PZP: variants seen among roughly 807,000 people sequenced by gnomAD.
PZP encodes the protein PZP alpha-2-macroglobulin like, also known as pregnancy zone protein.
PZP carries 150 observed loss-of-function variants against 179.8 expected under a neutral mutation model. The observed-to-expected ratio is 0.83, with a 90% CI of 0.73 to 0.96. The LOEUF (loss-of-function observed/expected upper bound fraction) is 0.96, where lower values mean the gene tolerates loss of function less well. Among genes scored for constraint, PZP ranks in the 40% least tolerant of loss-of-function variants. The probability of loss-of-function intolerance (pLI) is 0.00; values close to 1 mark genes in which losing one functional copy is unlikely to be tolerated. For missense variants in PZP, 1,689 were observed against 1,764.0 expected (o/e 0.96, Z 0.76); for synonymous variants, 624 against 652.3 (o/e 0.96, Z 0.66).
At chr12:9,153,996 G>A (rs1449575869) in intron 29 of PZP, among the ~76,000 whole-genome samples, 7 of 152,176 alleles carry the variant, frequency 4.6e-5, no homozygotes, top group African/African-American at 1.7e-4. Context: ...GCACTCTCAG[G>A]GAAAGTAGAA....
At position 9,203,802 on chromosome 12, in the gene PZP, G is replaced by T; in HGVS notation, c.233C>A (p.Ala78Glu). 2 of 1,614,050 alleles carry T rather than the reference G, an allele frequency of 1.2e-6. No individual in the cohort carries two copies. The highest frequency in any genetic ancestry group is 2.2e-5 in the East Asian group (1 of 44,848). Residue 78 changes from alanine (A) to glutamate (E), a missense_variant, in exon 2 of 36, where the codon GCG (alanine) becomes GAG (glutamate). Physicochemically the swap from Ala to Glu is moderately radical, Grantham distance 107. Coordinates refer to ENST00000261336, the MANE Select transcript of PZP (RefSeq NM_002864.3). Reference sequence around the variant, plus strand: ...GACACAGTGGAATAAGTCCTTCTCCGCCACCAGGTCAGTGAAGAGGCTCCT... The same window carrying T: ...GACACAGTGGAATAAGTCCTTCTCCTCCACCAGGTCAGTGAAGAGGCTCCT... ...ENRSLFTDLVAEKDLFHCVSF... is the reference protein window; with the variant it reads ...ENRSLFTDLVEEKDLFHCVSF...
chr12:9,200,416 G>T lies in PZP; in HGVS notation c.703C>A (p.Pro235Thr). ...LPKFEVKVQVPKIISIMDEKV... is the reference protein window; with the variant it reads ...LPKFEVKVQVTKIISIMDEKV... ...TCATCCATGATACTGATTATCTTTGGCACCTGAACTTTGACCTCAAACTTG... is the reference window on the plus strand; with the variant it reads ...TCATCCATGATACTGATTATCTTTGTCACCTGAACTTTGACCTCAAACTTG... The change falls in exon 7 of 36, where the codon CCA becomes ACA. Residue 235 changes from proline to threonine, a missense_variant. Coordinates refer to ENST00000261336, the MANE Select transcript of PZP (RefSeq NM_002864.3). 6.2e-7 allele frequency: 1 copy of T among 1,611,420 alleles called. No individual in the cohort carries two copies. The highest frequency in any genetic ancestry group is 8.5e-7 in the Non-Finnish European group (1 of 1,177,858).
In PZP at chr12:9,157,316, C is replaced by T. The variant is rs754348520; in HGVS notation, c.3409G>A (p.Ala1137Thr). 3.1e-6 allele frequency: 5 copies of T among 1,613,906 alleles called. No homozygotes were observed. The highest frequency in any genetic ancestry group is 1.7e-5 in the Admixed American group (1 of 60,006). ...GTCCCCTCCTTTGCTACATTCCAGG[C>T]TGACTCCAGGCAGAACAGGGCATTG... is the stretch of plus-strand genomic sequence containing the variant. The part of the protein sequence containing the change: ...VRNALFCLES[A>T]WNVAKEGTHG... Residue 1137 changes from alanine to threonine, a missense_variant, in exon 28 of 36, where the codon GCC (alanine) becomes ACC (threonine). Ala to Thr is a moderately conservative substitution (Grantham distance 58). Coordinates refer to ENST00000261336, the MANE Select transcript of PZP (RefSeq NM_002864.3).
chr12:9,172,934 C>T (rs1942098098), intron 15 of PZP, among the ~76,000 whole-genome samples: 1 of 152,186 alleles, frequency 6.6e-6, no homozygotes, highest in African/African-American at 2.4e-5. Context: ...AGAAAATTAA[C>T]AAAGATATTT....
At chr12:9,201,988 G>C (rs7956661) in intron 4 of PZP, among the ~76,000 whole-genome samples, 1 of 152,106 alleles carries the variant, frequency 6.6e-6, no homozygotes, top group Admixed American at 6.5e-5. Context: ...GCATAATTCT[G>C]TGTTGCTTTT....
At chr12:9,183,456 G>T (rs888357716) in intron 13 of PZP, among the ~76,000 whole-genome samples, 2 of 152,180 alleles carry the variant, frequency 1.3e-5, no homozygotes, top group Non-Finnish European at 2.9e-5. Flanking sequence ...CTGAAATGCA[G>T]TGGTGCAATC....
chr12:9,152,905 A>G lies in PZP; in HGVS notation c.4040T>C (p.Phe1347Ser). 6.2e-7 allele frequency: 1 copy of G among 1,614,134 alleles called. No homozygotes were observed. The highest frequency in any genetic ancestry group is 1.1e-5 in the South Asian group (1 of 91,076). The change falls in exon 31 of 36, where the codon TTT (phenylalanine) becomes TCT (serine). Residue 1347 changes from phenylalanine (F) to serine (S), a missense_variant. By Grantham distance (155) the Phe-to-Ser change is radical. Around this residue, in one of 3 missense-constraint regions of PZP, gnomAD observed 746 missense variants for 749.2 expected, o/e 1.00. Transcript: ENST00000261336. ...GGGCACAGTCTGCACTTTTAAAGCA[A>G]ATGGGGAGTCCTCTTTCTCTGGAAG... is the stretch of plus-strand genomic sequence containing the variant. ...NILPEKEDSP[F>S]ALKVQTVPQT...
chr12:9,182,049 A>G lies in PZP; in HGVS notation c.1615T>C (p.Phe539Leu). Reference sequence around the variant, plus strand: ...ACTTCTCCATCTGGTAAAATGGCAAAGATGAACATTCGTGCAATGGGGGCA... The same window carrying G: ...ACTTCTCCATCTGGTAAAATGGCAAGGATGAACATTCGTGCAATGGGGGCA... ...DVAPIARMFIFAILPDGEVVG... is the reference protein window; with the variant it reads ...DVAPIARMFILAILPDGEVVG... The change falls in exon 14 of 36, where the codon TTT becomes CTT. Residue 539 changes from phenylalanine (F) to leucine (L), a missense_variant. Physicochemically the swap from Phe to Leu is conservative, Grantham distance 22 (BLOSUM62 0). Around this residue, in one of 3 missense-constraint regions of PZP, gnomAD observed 742 missense variants for 730.5 expected, o/e 1.02. Transcript: ENST00000261336. The G allele has an allele frequency of 6.2e-7, 1 of 1,613,890 alleles. No homozygotes were observed. The highest frequency in any genetic ancestry group is 8.5e-7 in the Non-Finnish European group (1 of 1,179,876).
At chr12:9,201,464 G>A in intron 4 of PZP, 117 bp from the exon 5 acceptor site, 2 of 758,430 alleles carry the variant, frequency 2.6e-6, no homozygotes, top group Non-Finnish European at 2.2e-6. Flanking sequence ...AATTCAACAA[G>A]AAACATAACA....
chr12:9,164,755 A>G (rs1212374621), intron 19 of PZP, among the ~76,000 whole-genome samples: 1 of 152,242 alleles, frequency 6.6e-6, no homozygotes, highest in African/African-American at 2.4e-5. Context: ...GATAAGTGCT[A>G]TAAGATAAAT....
the PZP span, among the ~76,000 whole-genome samples, chr12:9,141,881 T>C: frequency 2.6e-5 from 4 of 152,220 alleles, no homozygotes; most frequent in African/African-American, 9.6e-5. Context: ...TTTAACTCCA[T>C]GTGTCCTAGG....
Position 9,157,161 on chromosome 12 carries a change from A to G in PZP, c.3550+14T>C, listed in dbSNP as rs770758152. The stretch of plus-strand genomic sequence containing the variant: ...TGTTCTCATTGTTCAGCTCCCACTT[A>G]TAAGTGCTCTCACCTTCTTTCACAG... On this transcript the variant is annotated intron_variant, in intron 28 of 35. Coordinates refer to ENST00000261336, the MANE Select transcript of PZP (RefSeq NM_002864.3). 12 of 1,608,632 alleles carry G rather than the reference A, an allele frequency of 7.5e-6. No individual in the cohort carries two copies. In the East Asian group the frequency reaches 1.8e-4, roughly 24 times the overall value.
At chr12:9,202,088 C>T (rs1944193185) in intron 4 of PZP, among the ~76,000 whole-genome samples, 1 of 152,106 alleles carries the variant, frequency 6.6e-6, no homozygotes, top group South Asian at 2.1e-4. Flanking sequence ...TTCAGAGTAA[C>T]AAATGCAGCT....
rs780810563 is a variant in PZP, at chr12:9,165,296, C to G, written c.2330G>C (p.Cys777Ser). The G allele has an allele frequency of 6.2e-7, 1 of 1,614,146 alleles. No homozygotes were observed. The highest frequency in any genetic ancestry group is 8.5e-7 in the Non-Finnish European group (1 of 1,179,994). ...TITEWKAGAF[C>S]LSEDAGLGIS... is the part of the protein sequence containing the mutation. Reference sequence around the variant, plus strand: ...ACCAAGTCCAGCATCTTCGGACAGGCAGAAGGCCCCTGCCTTCCACTCGGT... The same window carrying G: ...ACCAAGTCCAGCATCTTCGGACAGGGAGAAGGCCCCTGCCTTCCACTCGGT... The change falls in exon 19 of 36, where the codon TGC becomes TCC. Residue 777 changes from cysteine (C) to serine (S), a missense_variant. Cys to Ser is a moderately radical substitution (Grantham distance 112). Around this residue, in one of 3 missense-constraint regions of PZP, gnomAD observed 201 missense variants for 284.2 expected, o/e 0.71. Transcript: ENST00000261336.
Position 9,152,939 on chromosome 12 carries a change from A to G in PZP, c.4006T>C (p.Tyr1336His). The G allele has an allele frequency of 6.2e-7, 1 of 1,614,070 alleles. No homozygotes were observed. The highest frequency in any genetic ancestry group is 8.5e-7 in the Non-Finnish European group (1 of 1,179,998). ...TCCTCTTTCTCTGGAAGAATATTGT[A>G]TTTCATGGATGTCTGTGAAACAGCA... ...RCVYLQTSMKYNILPEKEDSP... is the reference protein window; with the variant it reads ...RCVYLQTSMKHNILPEKEDSP... The change falls in exon 31 of 36, where the codon TAC (tyrosine) becomes CAC (histidine). Residue 1336 changes from tyrosine to histidine, a missense_variant. Physicochemically the swap from Tyr to His is moderately conservative, Grantham distance 83. Coordinates refer to ENST00000261336, the MANE Select transcript of PZP (RefSeq NM_002864.3).
chr12:9,190,210 C>G (rs1272929971), intron 13 of PZP, among the ~76,000 whole-genome samples: 4 of 152,058 alleles, frequency 2.6e-5, no homozygotes, highest in Non-Finnish European at 5.9e-5. Flanking sequence ...CATTGCAACC[C>G]TGTTGCAATG....
the PZP span, among the ~76,000 whole-genome samples, chr12:9,136,773 T>A: frequency 6.6e-6 from 1 of 152,194 alleles, no homozygotes; most frequent in Non-Finnish European, 1.5e-5. Flanking sequence ...TTTCCCTGAT[T>A]AGTGGCATTG....
At chr12:9,180,478 C>T (rs918472855) in intron 15 of PZP, among the ~76,000 whole-genome samples, 2 of 152,136 alleles carry the variant, frequency 1.3e-5, no homozygotes, top group African/African-American at 4.8e-5. Flanking sequence ...CAGAACAGAG[C>T]CCTCAGAAAT....
chr12:9,201,181 G>C (rs1944133741), intron 5 of PZP, 121 bp from the exon 6 acceptor site: 5 of 1,400,218 alleles, frequency 3.6e-6, no homozygotes, highest in Non-Finnish European at 4.9e-6. Flanking sequence ...AGAAGGAAGA[G>C]AAAATACAAT....
Sources: allele counts gnomAD v4.1 joint callset (sites outside exome capture counted in the v4.1 genomes callset), GRCh38; gene constraint gnomAD v4.1.1; regional missense constraint gnomAD v4.1.1; transcripts MANE v1.5; gene names NCBI Gene and HGNC (gene_info 2026-07-23, HGNC 2026-07-21).